The following ARHGEF4 variants were observed in gnomAD, a reference collection of about 807,000 sequenced individuals.
ARHGEF4 encodes APC-stimulated guanine nucleotide exchange factor 1.
Under a neutral mutation model 162.0 loss-of-function variants are expected in ARHGEF4, and 119 were observed. The observed-to-expected ratio is 0.73, with a 90% CI of 0.63 to 0.86. The LOEUF is 0.86. ARHGEF4 is among the 40% of genes least tolerant of loss of function. The pLI, the probability that ARHGEF4 is intolerant of heterozygous loss-of-function variation, is 0.00. For synonymous variants in ARHGEF4, 1,014 were observed against 979.9 expected, an observed-to-expected ratio of 1.03 and a Z score of -0.65; for missense variants, 2,488 against 2,456.0, an observed-to-expected ratio of 1.01 and a Z score of -0.28.
intron 4 of ARHGEF4, among the ~76,000 whole-genome samples, chr2:131,026,883 G>T (rs1456031628): frequency 6.6e-6 from 1 of 152,192 alleles, no homozygotes; most frequent in Non-Finnish European, 1.5e-5. Flanking sequence ...CACACCAGGG[G>T]TGGTGATTTT....
At chr2:130,963,418 T>A (rs1684754976) in intron 4 of ARHGEF4, among the ~76,000 whole-genome samples, 1 of 151,754 alleles carries the variant, frequency 6.6e-6, no homozygotes, top group African/African-American at 2.4e-5. Context: ...GTCCTCGCCC[T>A]GGATGGCGTG....
chr2:130,939,797 C>G (rs1420932175), intron 3 of ARHGEF4, among the ~76,000 whole-genome samples: 1 of 152,088 alleles, frequency 6.6e-6, no homozygotes, highest in Non-Finnish European at 1.5e-5. Flanking sequence ...GCATACAGAT[C>G]CTCTGCATTT....
In ARHGEF4 at chr2:131,034,856, C is replaced by A. The variant is rs895432396; in HGVS notation, c.4126-3997C>A. 3.8e-4 allele frequency: 155 copies of A among 404,936 alleles called. 1 individual carries two copies. The highest frequency in any genetic ancestry group is 3.0e-3 in the African/African-American group (140 of 46,294). 25.1% of individuals were successfully genotyped at this position (404,936 alleles called of 1,614,324 possible). On this transcript the variant is annotated intron_variant, in intron 5 of 13. Coordinates refer to ENST00000409359, the MANE Select transcript of ARHGEF4 (RefSeq NM_001367493.1). ...CAGCGCACGCCCGAGCCGCCGCGGT[C>A]CCTCTGAGCCTCTCCAGCCCGCCGC...
intron 4 of ARHGEF4, among the ~76,000 whole-genome samples, chr2:131,020,661 T>A (rs1472654086): frequency 6.6e-6 from 1 of 152,196 alleles, no homozygotes; most frequent in Non-Finnish European, 1.5e-5. Context: ...TACCTGTGCA[T>A]GTGTCTTTAT....
chr2:130,837,018 G>A, intron 1 of ARHGEF4, 26 bp downstream of exon 1: 1 of 1,226,892 alleles, frequency 8.2e-7, no homozygotes. Context: ...CGGGACTTGC[G>A]GTCGGGCTCC....
intron 1 of ARHGEF4, among the ~76,000 whole-genome samples, chr2:130,845,836 A>G (rs564855779): frequency 2.6e-5 from 4 of 152,358 alleles, no homozygotes; most frequent in Non-Finnish European, 5.9e-5. Context: ...AACCAGGCCC[A>G]GTGGCAGAAG....
chr2:130,983,419 T>G (rs1431326276), intron 4 of ARHGEF4, among the ~76,000 whole-genome samples: 1 of 152,170 alleles, frequency 6.6e-6, no homozygotes, highest in East Asian at 1.9e-4. Context: ...CTTTATAGTT[T>G]TATAACCTTC....
Position 130,916,606 on chromosome 2 carries a change from G to A in ARHGEF4, c.2660G>A (p.Gly887Glu), listed in dbSNP as rs1681514393. 6.4e-7 allele frequency: 1 copy of A among 1,550,562 alleles called. No individual in the cohort carries two copies. Among genetic ancestry groups the A allele is most frequent in the Non-Finnish European group, 8.7e-7 (1 of 1,146,976 alleles). The change falls in exon 2 of 14, where the codon GGG becomes GAG. Residue 887 changes from glycine to glutamate, a missense_variant. By Grantham distance (98) the Gly-to-Glu change is moderately conservative (BLOSUM62 -2). Around this residue, in one of 6 missense-constraint regions of ARHGEF4, gnomAD observed 1,642 missense variants for 1,481.5 expected, o/e 1.11. Transcript: ENST00000409359. The stretch of plus-strand genomic sequence containing the variant: ...ACCTCAGGGGATCTTGGTAGCCGAG[G>A]GCCTTCCTCTGAGAGCTGCAACGCA... ...TGTSGDLGSR[G>E]PSSESCNAKR...
At chr2:130,857,239 T>TA (rs1681862543) in intron 1 of ARHGEF4, among the ~76,000 whole-genome samples, 1 of 146,956 alleles carries the variant, frequency 6.8e-6, no homozygotes, top group Non-Finnish European at 1.5e-5. Context: ...CTCAAAAAAA[T>TA]AAAAAAATAA....
At chr2:130,900,187 A>T (rs530770425) in intron 1 of ARHGEF4, among the ~76,000 whole-genome samples, 7 of 152,264 alleles carry the variant, frequency 4.6e-5, no homozygotes, top group African/African-American at 1.7e-4. Context: ...AAAAATGTAT[A>T]TTCTGCTGAT....
intron 4 of ARHGEF4, among the ~76,000 whole-genome samples, chr2:130,999,221 C>T (rs62178938): frequency 0.06 from 8,989 of 148,802 alleles, 333 homozygotes; most frequent in East Asian, 0.17. Flanking sequence ...TGCAGTGGCG[C>T]GATCTTGGCT....
Position 130,914,969 on chromosome 2 carries a change from A to C in ARHGEF4, c.1023A>C (p.Ala341=). 1.3e-6 allele frequency: 2 copies of C among 1,550,408 alleles called. No homozygotes were observed. Among genetic ancestry groups the C allele is most frequent in the Non-Finnish European group, 1.7e-6 (2 of 1,146,892 alleles). The change falls in exon 2 of 14, where the codon GCA becomes GCC. Residue 341 remains alanine, a synonymous_variant. Transcript: ENST00000409359. The part of the protein sequence containing the change: ...MRALVRAHSI[A]GFSPECPEDP... Reference sequence around the variant, plus strand: ...CACTGGTCAGGGCCCATTCCATAGCAGGGTTTTCACCAGAGTGCCCCGAGG... The same window carrying C: ...CACTGGTCAGGGCCCATTCCATAGCCGGGTTTTCACCAGAGTGCCCCGAGG...
chr2:130,837,193 A>G (rs1340708107), intron 1 of ARHGEF4, among the ~76,000 whole-genome samples: 2 of 151,590 alleles, frequency 1.3e-5, no homozygotes, highest in African/African-American at 2.4e-5. Context: ...GGCCGTCTCG[A>G]GCGCGGGGAA....
At chr2:130,902,782 G>A (rs1410428681) in intron 1 of ARHGEF4, among the ~76,000 whole-genome samples, 1 of 152,174 alleles carries the variant, frequency 6.6e-6, no homozygotes, top group South Asian at 2.1e-4. Context: ...CCATCCTTCA[G>A]TTATCGTTTA....
chr2:131,009,285 T>C (rs1382824443), intron 4 of ARHGEF4, among the ~76,000 whole-genome samples: 1 of 152,242 alleles, frequency 6.6e-6, no homozygotes, highest in African/African-American at 2.4e-5. Flanking sequence ...TTTCAGCAAT[T>C]CAAAGATGTT....
At chr2:130,939,028 G>T (rs747096064) in intron 3 of ARHGEF4, among the ~76,000 whole-genome samples, 4 of 152,126 alleles carry the variant, frequency 2.6e-5, no homozygotes, top group Non-Finnish European at 5.9e-5. Context: ...TACTGGATGG[G>T]TAGTTTTTCA....
At chr2:130,923,981 T>C (rs1682060569) in intron 2 of ARHGEF4, among the ~76,000 whole-genome samples, 1 of 150,102 alleles carries the variant, frequency 6.7e-6, no homozygotes, top group South Asian at 2.1e-4. Context: ...CCCGGGTTCA[T>C]GCCATTCTCC....
chr2:130,978,751 C>CA (rs879858758), intron 4 of ARHGEF4, among the ~76,000 whole-genome samples: 2,277 of 123,072 alleles, frequency 0.019, 16 homozygotes, highest in African/African-American at 0.031. Context: ...TAAATAGCTC[C>CA]AAAAAAAAAA....
At chr2:130,977,449 G>A (rs566911641) in intron 4 of ARHGEF4, among the ~76,000 whole-genome samples, 71 of 151,854 alleles carry the variant, frequency 4.7e-4, no homozygotes, top group Middle Eastern at 3.4e-3. Context: ...TGTATGTTGC[G>A]TGTGTGTGTA....
Sources: gnomAD v4.1 joint callset for allele counts (sites outside exome capture counted in the v4.1 genomes callset) on GRCh38, gnomAD v4.1.1 for gene constraint, gnomAD v4.1.1 regional missense constraint, MANE v1.5 for transcripts, NCBI Gene and HGNC (gene_info 2026-07-23, HGNC 2026-07-21) for gene names.